The following LAYN variants were observed in gnomAD, a reference collection of about 807,000 sequenced individuals.
The protein encoded by LAYN is layilin.
Under a neutral mutation model 43.6 loss-of-function variants are expected in LAYN, and 38 were observed. The ratio of observed to expected loss-of-function variants is 0.87; its 90% CI spans 0.67 to 1.14. LAYN has a LOEUF of 1.14. Among genes scored for constraint, LAYN ranks in the 50% most tolerant of loss-of-function variants. The probability of loss-of-function intolerance (pLI) is 0.00; values close to 1 mark genes in which losing one functional copy is unlikely to be tolerated. For missense variants in LAYN, 479 were observed against 463.8 expected (o/e 1.03, Z -0.30); for synonymous variants, 168 against 172.9 (o/e 0.97, Z 0.22).
At chr11:111,552,232 TGG>T (rs1867757695) in intron 3 of LAYN, among the ~76,000 whole-genome samples, 1 of 152,206 alleles carries the variant, frequency 6.6e-6, no homozygotes, top group South Asian at 2.1e-4. Context: ...TAACTTCCTT[TGG>T]AAAGCCTTCC....
intron 1 of LAYN, chr11:111,541,355 G>T: frequency 1.6e-6 from 1 of 614,300 alleles, no homozygotes; most frequent in South Asian, 2.0e-5. Flanking sequence ...CGGCCGCAGA[G>T]ACAGCGGGGT....
At position 111,559,563 on chromosome 11, in the gene LAYN, A is replaced by G. The variant is rs192950955; in HGVS notation, c.762-532A>G. Among the ~76,000 whole-genome samples, 181 of 151,918 alleles carry G rather than the reference A, an allele frequency of 1.2e-3. 1 individual carries two copies. The highest frequency in any genetic ancestry group is 4.2e-3 in the African/African-American group (174 of 41,430). On this transcript the variant is annotated intron_variant, in intron 6 of 6. Transcript: ENST00000375614. ...CACTGCGGCCTTGACCTCCCAGGTT[A>G]TCCTCCCACCTCAGCCTCCCAACTA...
At chr11:111,550,815 TATTATTAATAGCTCC>T (rs1230380161) in intron 3 of LAYN, among the ~76,000 whole-genome samples, 5 of 152,238 alleles carry the variant, frequency 3.3e-5, no homozygotes, top group Non-Finnish European at 7.3e-5. Context: ...AATTATATTC[TATTATTAATAGCTCC>T]ATGGTTTAAA....
intron 5 of LAYN, 47 bp from the exon 6 acceptor site, chr11:111,557,494 A>G (rs201674632): frequency 1.3e-6 from 2 of 1,500,762 alleles, no homozygotes; most frequent in Non-Finnish European, 1.9e-6. Context: ...ACAGAAAAAC[A>G]AAACAAAAAA....
At position 111,540,877 on chromosome 11, in the gene LAYN, C is replaced by G; in HGVS notation, c.34C>G (p.Leu12Val). 6.5e-7 allele frequency: 1 copy of G among 1,532,270 alleles called. No individual in the cohort carries two copies. The highest frequency in any genetic ancestry group is 1.2e-5 in the South Asian group (1 of 83,806). 94.9% of individuals were successfully genotyped at this position (1,532,270 alleles called of 1,614,324 possible). A position where few individuals can be genotyped will look rare whatever the true frequency, so the allele number is the denominator to read the frequency against. Residue 12 changes from leucine to valine, a missense_variant, in exon 1 of 7, where the codon CTG becomes GTG. Transcript: ENST00000375614. ...RPGTALQAVLLAVLLVGLRAA... is the reference protein window; with the variant it reads ...RPGTALQAVLVAVLLVGLRAA... ...GGGAACCGCGCTACAGGCCGTGCTG[C>G]TGGCCGTGCTGCTGGTGGGGCTGCG...
At position 111,555,227 on chromosome 11, in the gene LAYN, A is replaced by C. The variant is rs1244660777; in HGVS notation, c.595A>C (p.Thr199Pro). The C allele has an allele frequency of 6.2e-7, 1 of 1,613,868 alleles. No individual in the cohort carries two copies. ...TCCAGGTGAGGAAACAGAGCTGACA[A>C]CACCTGTACTTCCAGAAGAAACACA... ...EAEGEETELT[T>P]PVLPEETQEE... The change falls in exon 5 of 7, where the codon ACA (threonine) becomes CCA (proline). Residue 199 changes from threonine (T) to proline (P), a missense_variant. Physicochemically the swap from Thr to Pro is conservative, Grantham distance 38. Coordinates refer to ENST00000375614, the MANE Select transcript of LAYN (RefSeq NM_178834.5).
At chr11:111,550,391 G>T (rs1867722902) in intron 3 of LAYN, among the ~76,000 whole-genome samples, 1 of 152,158 alleles carries the variant, frequency 6.6e-6, no homozygotes, top group African/African-American at 2.4e-5. Flanking sequence ...CTATACTTGG[G>T]TTTCCCAGAC....
intron 1 of LAYN, chr11:111,541,515 T>G (rs775310382): frequency 3.4e-5 from 52 of 1,528,838 alleles, no homozygotes; most frequent in Non-Finnish European, 4.2e-5. Context: ...CCCACCTGAC[T>G]CCGGGGAATG....
chr11:111,549,002 G>A (rs980431987), intron 2 of LAYN, among the ~76,000 whole-genome samples: 1 of 152,258 alleles, frequency 6.6e-6, no homozygotes, highest in African/African-American at 2.4e-5. Flanking sequence ...ACATCTGGAG[G>A]TAGAGGCTGA....
Position 111,540,804 on chromosome 11 carries a change from C to T in LAYN, c.-40C>T. The T allele has an allele frequency of 6.6e-7, 1 of 1,507,952 alleles. No individual in the cohort carries two copies. Among genetic ancestry groups the T allele is most frequent in the Non-Finnish European group, 8.8e-7 (1 of 1,133,898 alleles). 93.4% of individuals were successfully genotyped at this position (1,507,952 alleles called of 1,614,324 possible). On this transcript the variant is annotated 5_prime_UTR_variant, in exon 1 of 7. Transcript: ENST00000375614. ...TCTGCCCGCCAGCCCGCTCCACCGC[C>T]GTAGCGCCCGAGTGTCGGGGGGCGC... is the stretch of plus-strand genomic sequence containing the variant.
rs531593087 is a variant in LAYN at position 111,556,226 on chromosome 11, A to C, written c.658+936A>C. Among the ~76,000 whole-genome samples the C allele has an allele frequency of 1.6e-4, 25 of 152,328 alleles. No homozygotes were observed. The South Asian group carries it at 4.6e-3, about 28-fold the overall frequency. ...GGATCAGCCAAATGAAAAGACACACAGCAGGACGTCTGGGAGGAGTTTCCT... is the reference window on the plus strand; with the variant it reads ...GGATCAGCCAAATGAAAAGACACACCGCAGGACGTCTGGGAGGAGTTTCCT... On this transcript the variant is annotated intron_variant, in intron 5 of 6. Transcript: ENST00000375614.
chr11:111,557,770 G>C (rs1471338941), intron 6 of LAYN, 127 bp downstream of exon 6: 1 of 794,240 alleles, frequency 1.3e-6, no homozygotes, highest in Non-Finnish European at 2.2e-6. Flanking sequence ...ATTGGAGAGT[G>C]GGTTCTCTGA....
In LAYN at chr11:111,540,964, G is replaced by T; in HGVS notation, c.85+36G>T. 3.9e-6 allele frequency: 6 copies of T among 1,519,236 alleles called. No homozygotes were observed. In the South Asian group the frequency reaches 7.3e-5, roughly 18 times the overall value. 94.1% of individuals were successfully genotyped at this position (1,519,236 alleles called of 1,614,324 possible). ...GCGCTGGGGCGGGGGCTGGTGCCGGGGTGGGCTCACTGCACCCCAGCTGCT... is the reference window on the plus strand; with the variant it reads ...GCGCTGGGGCGGGGGCTGGTGCCGGTGTGGGCTCACTGCACCCCAGCTGCT... On this transcript the variant is annotated intron_variant, in intron 1 of 6. Coordinates refer to ENST00000375614, the MANE Select transcript of LAYN (RefSeq NM_178834.5).
chr11:111,548,532 A>G (rs1045362843), intron 2 of LAYN, among the ~76,000 whole-genome samples: 1 of 152,234 alleles, frequency 6.6e-6, no homozygotes, highest in African/African-American at 2.4e-5. Context: ...CTGTCCAGTC[A>G]TAGTATCCAA....
chr11:111,549,182 G>C (rs867230219), intron 2 of LAYN, among the ~76,000 whole-genome samples: 2 of 152,172 alleles, frequency 1.3e-5, no homozygotes, highest in Middle Eastern at 3.2e-3. Flanking sequence ...AAAGGCAGTT[G>C]GTGGCTGTTG....
chr11:111,555,305 C>G lies in LAYN; in HGVS notation c.658+15C>G, dbSNP rs1016273345. 1.3e-6 allele frequency: 2 copies of G among 1,571,200 alleles called. No homozygotes were observed. Among genetic ancestry groups the G allele is most frequent in the Admixed American group, 1.7e-5 (1 of 59,598 alleles). ...AGAAAGTAGAGGTATCTACAAAACT[C>G]TCCTGGGAAAGATGAATAATCAGGC... On this transcript the variant is annotated intron_variant, in intron 5 of 6. Coordinates refer to ENST00000375614, the MANE Select transcript of LAYN (RefSeq NM_178834.5).
intron 1 of LAYN, among the ~76,000 whole-genome samples, chr11:111,542,663 G>A (rs1009373575): frequency 9.9e-5 from 15 of 152,152 alleles, no homozygotes; most frequent in African/African-American, 3.6e-4. Context: ...TTTACCCCCG[G>A]CACTGTGGCA....
At chr11:111,543,539 A>G (rs2080779184) in intron 1 of LAYN, among the ~76,000 whole-genome samples, 1 of 152,228 alleles carries the variant, frequency 6.6e-6, no homozygotes. Context: ...AAGAACCACC[A>G]GAGACACCCC....
chr11:111,546,812 G>A (rs556261585), intron 2 of LAYN, among the ~76,000 whole-genome samples: 2 of 152,296 alleles, frequency 1.3e-5, no homozygotes, highest in Admixed American at 1.3e-4. Flanking sequence ...AGCCAGCCAG[G>A]AATTGTTTCT....
Sources: gnomAD v4.1 joint callset for allele counts (sites outside exome capture counted in the v4.1 genomes callset) on GRCh38, gnomAD v4.1.1 for gene constraint, MANE v1.5 for transcripts, NCBI Gene and HGNC (gene_info 2026-07-23, HGNC 2026-07-21) for gene names.